The following PIN4 variants were observed in gnomAD, a reference collection of about 807,000 sequenced individuals.
PIN4 encodes peptidyl-prolyl cis-trans isomerase NIMA-interacting 4.
A neutral mutation model predicts 8.3 loss-of-function variants in PIN4; 3 were observed. The ratio of observed to expected loss-of-function variants is 0.36; its 90% CI spans 0.16 to 0.93. The LOEUF (loss-of-function observed/expected upper bound fraction) is 0.93, where lower values mean the gene tolerates loss of function less well. Ranked by LOEUF, PIN4 falls within the 40% of genes least tolerant of loss-of-function variation. The pLI, the probability that PIN4 is intolerant of heterozygous loss-of-function variation, is 0.44. For missense variants in PIN4, 75 were observed against 100.6 expected (o/e 0.75, Z 1.09); for synonymous variants, 18 against 32.5 (o/e 0.55, Z 1.52).
rs149400438 is a variant in PIN4, at chrX:72,206,231, C to G, written c.312+9327C>G. The G allele has an allele frequency of 3.9e-5, 47 of 1,207,899 alleles. No individual in the cohort carries two copies. The African/African-American group carries it at 7.2e-4, about 18-fold the overall frequency. ...TGCTTAGGCCCCTCTTGTAATGTCT[C>G]TTTTTGTACAGCTTCATTTTTAGTT... On this transcript the variant is annotated intron_variant, in intron 3 of 3. Coordinates refer to the PIN4 transcript ENST00000423432.
At chrX:72,197,267 C>A in intron 3 of PIN4, 101 bp from the exon 4 acceptor site, 2 of 751,226 alleles carry the variant, frequency 2.7e-6, no homozygotes, top group Non-Finnish European at 3.9e-6. Flanking sequence ...TAGGAATATA[C>A]CTCGTAACCT....
chrX:72,193,091 G>C (rs2042744402), intron 2 of PIN4, among the ~76,000 whole-genome samples: 1 of 111,652 alleles, frequency 9.0e-6, no homozygotes, highest in Admixed American at 9.6e-5. Flanking sequence ...CCAAGACACA[G>C]CTGCACTGTT....
intron 1 of PIN4, among the ~76,000 whole-genome samples, chrX:72,182,754 G>A (rs1027160255): frequency 1.8e-5 from 2 of 111,428 alleles, no homozygotes; most frequent in African/African-American, 6.5e-5. Context: ...TGCATTGAGG[G>A]TAGGTTAAAG....
At chrX:72,195,710 C>T (rs1422731178) in intron 2 of PIN4, among the ~76,000 whole-genome samples, 2 of 111,493 alleles carry the variant, frequency 1.8e-5, no homozygotes, top group East Asian at 2.8e-4. Flanking sequence ...AATAGCTAGC[C>T]GTTGGTCAAT....
At chrX:72,251,362 CAAA>C (rs35914181) in intron 3 of PIN4, among the ~76,000 whole-genome samples, 1 of 65,614 alleles carries the variant, frequency 1.5e-5, no homozygotes. Flanking sequence ...GACTCTGTCT[CAAA>C]AAAAAAAAAA....
intron 3 of PIN4, among the ~76,000 whole-genome samples, chrX:72,245,889 C>T (rs750242394): frequency 1.8e-5 from 2 of 111,525 alleles, no homozygotes; most frequent in East Asian, 2.8e-4. Flanking sequence ...ACCTGCCTTT[C>T]GGGGTTTGGG....
At chrX:72,205,039 A>C in intron 3 of PIN4, 1 of 1,200,014 alleles carries the variant, frequency 8.3e-7, no homozygotes, top group Non-Finnish European at 1.1e-6. Flanking sequence ...TTGCTTATAC[A>C]AACTTAAAGT....
downstream of PIN4, among the ~76,000 whole-genome samples, chrX:72,199,613 A>T (rs994550214): frequency 4.4e-5 from 5 of 112,510 alleles, no homozygotes; most frequent in Non-Finnish European, 9.4e-5. Flanking sequence ...TATAGGCATG[A>T]GACACTACCA....
chrX:72,195,899 A>T (rs2042762442), intron 2 of PIN4, among the ~76,000 whole-genome samples: 1 of 110,520 alleles, frequency 9.0e-6, no homozygotes, highest in African/African-American at 3.3e-5. Flanking sequence ...CGGGCAGATC[A>T]CTTGAGGTCA....
At chrX:72,190,680 C>T (rs762037525) in intron 2 of PIN4, among the ~76,000 whole-genome samples, 19 of 110,964 alleles carry the variant, frequency 1.7e-4, no homozygotes, top group Non-Finnish European at 3.0e-4. Flanking sequence ...AGCCGGGCGC[C>T]GGTGGCTCAT....
chrX:72,182,733 A>C (rs1204137310), intron 1 of PIN4, among the ~76,000 whole-genome samples: 1 of 111,349 alleles, frequency 9.0e-6, no homozygotes, highest in Non-Finnish European at 1.9e-5. Context: ...TGAATTAGGC[A>C]GGTCAAGATG....
downstream of PIN4, among the ~76,000 whole-genome samples, chrX:72,201,443 A>C (rs1455418985): frequency 1.8e-5 from 2 of 110,663 alleles, no homozygotes; most frequent in Non-Finnish European, 3.8e-5. Context: ...AATACAAAAA[A>C]TTAGCCAGGC....
At chrX:72,252,161 T>C (rs1234840858) in intron 3 of PIN4, among the ~76,000 whole-genome samples, 4 of 110,628 alleles carry the variant, frequency 3.6e-5, no homozygotes, top group Non-Finnish European at 7.6e-5. Flanking sequence ...AAAAATTTTT[T>C]TTTGAGAGAC....
chrX:72,216,412 G>GT (rs1311014632), intron 3 of PIN4, among the ~76,000 whole-genome samples: 1 of 111,743 alleles, frequency 8.9e-6, no homozygotes, highest in Non-Finnish European at 1.9e-5. Flanking sequence ...GAATGTCTAG[G>GT]TTTTTTAAAA....
intron 3 of PIN4, among the ~76,000 whole-genome samples, chrX:72,217,064 C>G (rs2042890732): frequency 2.7e-5 from 3 of 112,136 alleles, no homozygotes; most frequent in African/African-American, 6.5e-5. Context: ...GGCATAATTA[C>G]TGTTATGCTG....
At chrX:72,257,333 G>C (rs1218902250) in intron 3 of PIN4, among the ~76,000 whole-genome samples, 1 of 108,884 alleles carries the variant, frequency 9.2e-6, no homozygotes, top group African/African-American at 3.4e-5. Flanking sequence ...AAAAAGAAAA[G>C]AAAAGAAAAG....
Position 72,186,015 on chromosome X carries a change from G to A in PIN4, c.44-446G>A, listed in dbSNP as rs778935362. Among the ~76,000 whole-genome samples, 4 of 111,442 alleles carry A rather than the reference G, an allele frequency of 3.6e-5. No homozygotes were observed. In the South Asian group the frequency reaches 1.5e-3, roughly 42 times the overall value. ...TTCACCTATTAGCACACTCATTTGTGTATCCATTTTCTGTGAAGGGTTTAT... is the reference window on the plus strand; with the variant it reads ...TTCACCTATTAGCACACTCATTTGTATATCCATTTTCTGTGAAGGGTTTAT... On this transcript the variant is annotated intron_variant, in intron 1 of 3. Transcript: ENST00000373669.
chrX:72,236,890 T>C (rs1332620574), intron 3 of PIN4, among the ~76,000 whole-genome samples: 1 of 112,364 alleles, frequency 8.9e-6, no homozygotes, highest in African/African-American at 3.2e-5. Context: ...ACATCTTTGC[T>C]CACTCATGTA....
intron 3 of PIN4, among the ~76,000 whole-genome samples, chrX:72,246,025 T>C (rs149693308): frequency 0.02 from 2,267 of 111,432 alleles, 55 homozygotes; most frequent in African/African-American, 0.07. Context: ...GTCTCTAGCC[T>C]CATCGTCTCT....
Sources: gnomAD v4.1 joint callset for allele counts (sites outside exome capture counted in the v4.1 genomes callset) on GRCh38, gnomAD v4.1.1 for gene constraint, MANE v1.5 for transcripts, NCBI Gene and HGNC (gene_info 2026-07-23, HGNC 2026-07-21) for gene names.